Variants in PTPRO observed in about 807,000 individuals in gnomAD.
PTPRO encodes the protein protein tyrosine phosphatase receptor type O.
PTPRO carries 62 observed loss-of-function variants against 145.2 expected under a neutral mutation model. The ratio of observed to expected loss-of-function variants is 0.43; its 90% CI spans 0.35 to 0.53. The LOEUF is 0.53. Ranked by LOEUF, PTPRO falls within the 20% of genes least tolerant of loss-of-function variation. The pLI is 0.01. For missense variants in PTPRO, 1,345 were observed against 1,482.7 expected (o/e 0.91, Z 1.53); for synonymous variants, 565 against 514.7 (o/e 1.10, Z -1.32).
rs754393787 is a variant in PTPRO, at chr12:15,569,553, G to A, written c.2829+55G>A. The stretch of plus-strand genomic sequence containing the variant: ...TGTAATGGAAAGGGCCTGGGAATTG[G>A]GGGGTTTGTGTTGCGGTCATGTCCC... On this transcript the variant is annotated intron_variant, in intron 19 of 26. Transcript: ENST00000281171. 9.4e-6 allele frequency: 14 copies of A among 1,488,294 alleles called. No homozygotes were observed. The South Asian group carries it at 1.0e-4, about 11-fold the overall frequency. 92.2% of individuals were successfully genotyped at this position (1,488,294 alleles called of 1,614,324 possible).
chr12:15,475,718 C>T (rs949721646), intron 1 of PTPRO, among the ~76,000 whole-genome samples: 2 of 152,016 alleles, frequency 1.3e-5, no homozygotes, highest in Admixed American at 6.5e-5. Flanking sequence ...CCAGGATTCC[C>T]CATTCACTAA....
Position 15,520,286 on chromosome 12 carries a change from A to G in PTPRO, c.1865A>G (p.Asp622Gly). The G allele has an allele frequency of 6.2e-7, 1 of 1,612,840 alleles. No individual in the cohort carries two copies. The highest frequency in any genetic ancestry group is 8.5e-7 in the Non-Finnish European group (1 of 1,178,964). ...TWGDPELSCC[D>G]SSTISFITAP... is the part of the protein sequence containing the mutation. ...GGAGATCCAGAATTGAGCTGCTGTG[A>G]CAGCTCTACCATCAGCTTCATAACA... Residue 622 changes from aspartate to glycine, a missense_variant, in exon 10 of 27, where the codon GAC becomes GGC. Transcript: ENST00000281171.
chr12:15,405,712 A>G (rs1175434067), intron 1 of PTPRO, among the ~76,000 whole-genome samples: 2 of 152,228 alleles, frequency 1.3e-5, no homozygotes, highest in Non-Finnish European at 2.9e-5. Flanking sequence ...AAGGACTTTA[A>G]AATGACTGTT....
At chr12:15,494,168 G>C (rs1013191057) in intron 2 of PTPRO, among the ~76,000 whole-genome samples, 4 of 152,124 alleles carry the variant, frequency 2.6e-5, no homozygotes, top group Admixed American at 2.6e-4. Flanking sequence ...GTAAGTTACA[G>C]GGGGGAATTT....
chr12:15,460,484 TA>T (rs908872520), intron 1 of PTPRO, among the ~76,000 whole-genome samples: 4 of 152,174 alleles, frequency 2.6e-5, no homozygotes, highest in Non-Finnish European at 4.4e-5. Flanking sequence ...TCCCTTATTT[TA>T]AAATAATAAA....
chr12:15,578,846 T>A lies in PTPRO; in HGVS notation c.2830-7T>A. On this transcript the variant is annotated splice_region_variant and splice_polypyrimidine_tract_variant and intron_variant, in intron 19 of 26. Coordinates refer to ENST00000281171, the MANE Select transcript of PTPRO (RefSeq NM_030667.3). The stretch of plus-strand genomic sequence containing the variant: ...GAACTCTCAAATCCATTCTCTGTCC[T>A]TTACAGGAGTTGAAATTGATTGGAC... 1 of 1,567,450 alleles carries A rather than the reference T, an allele frequency of 6.4e-7. No individual in the cohort carries two copies. Among genetic ancestry groups the A allele is most frequent in the Non-Finnish European group, 8.8e-7 (1 of 1,137,548 alleles).
Position 15,403,854 on chromosome 12 carries a change from G to A in PTPRO, c.76-80120G>A, listed in dbSNP as rs146760661. On this transcript the variant is annotated intron_variant, in intron 1 of 26. Transcript: ENST00000281171. ...ACACACACCAGAATGTGAGTTTCAT[G>A]AGTACAGAGATCCCATGGTCTTATT... Among the ~76,000 whole-genome samples, 1,384 of 152,080 alleles carry A rather than the reference G, an allele frequency of 9.1e-3. 15 individuals are homozygous for A. Among genetic ancestry groups the A allele is most frequent in the South Asian group, 0.035 (166 of 4,806 alleles).
At chr12:15,493,307 C>T (rs565421698) in intron 2 of PTPRO, among the ~76,000 whole-genome samples, 1 of 151,564 alleles carries the variant, frequency 6.6e-6, no homozygotes, top group African/African-American at 2.4e-5. Context: ...ATATACAAAC[C>T]CTAGAGAACT....
intron 1 of PTPRO, among the ~76,000 whole-genome samples, chr12:15,376,658 C>T (rs184709480): frequency 1.1e-4 from 16 of 152,252 alleles, no homozygotes; most frequent in African/African-American, 3.1e-4. Context: ...ATCAAGGTGC[C>T]AACAGGTTCA....
chr12:15,517,819 C>A (rs1942630780), intron 9 of PTPRO, among the ~76,000 whole-genome samples: 1 of 152,224 alleles, frequency 6.6e-6, no homozygotes, highest in South Asian at 2.1e-4. Flanking sequence ...CAGTTCCACT[C>A]CTATGGCTTT....
At chr12:15,452,344 G>T (rs1029324253) in intron 1 of PTPRO, among the ~76,000 whole-genome samples, 1 of 151,916 alleles carries the variant, frequency 6.6e-6, no homozygotes, top group Non-Finnish European at 1.5e-5. Context: ...AGATTGAAAT[G>T]GTACAAAAAA....
At chr12:15,381,683 T>G (rs1371824376) in intron 1 of PTPRO, among the ~76,000 whole-genome samples, 1 of 152,182 alleles carries the variant, frequency 6.6e-6, no homozygotes, top group Admixed American at 6.5e-5. Flanking sequence ...TTTCTCCCTT[T>G]CGCAGCTCCC....
At chr12:15,553,286 G>A (rs1429985665) in intron 15 of PTPRO, among the ~76,000 whole-genome samples, 1 of 152,176 alleles carries the variant, frequency 6.6e-6, no homozygotes, top group East Asian at 1.9e-4. Flanking sequence ...ATAAGTAAAA[G>A]GACTGCCCCT....
chr12:15,497,419 A>C lies in PTPRO; in HGVS notation c.508+16A>C, dbSNP rs761511360. ...CTATATAAAGGTAAGCAGCAAAAGG[A>C]AAGCTGAATCAATGATGACCCTCAC... is the stretch of plus-strand genomic sequence containing the variant. On this transcript the variant is annotated intron_variant, in intron 3 of 26. Transcript: ENST00000281171. 1 of 1,611,342 alleles carries C rather than the reference A, an allele frequency of 6.2e-7. No homozygotes were observed. The highest frequency in any genetic ancestry group is 8.5e-7 in the Non-Finnish European group (1 of 1,177,930).
intron 2 of PTPRO, among the ~76,000 whole-genome samples, chr12:15,494,177 T>G (rs971191922): frequency 1.6e-4 from 24 of 152,246 alleles, no homozygotes; most frequent in Non-Finnish European, 2.6e-4. Flanking sequence ...AGGGGGGAAT[T>G]TCAAATATAT....
chr12:15,548,639 T>TTCTGATGAA (rs1943366170), intron 13 of PTPRO, among the ~76,000 whole-genome samples: 1 of 152,080 alleles, frequency 6.6e-6, no homozygotes, highest in African/African-American at 2.4e-5. Context: ...TCAGAGACCA[T>TTCTGATGAA]TTACACATTC....
intron 25 of PTPRO, among the ~76,000 whole-genome samples, chr12:15,593,358 T>C (rs1944592751): frequency 6.6e-6 from 1 of 152,220 alleles, no homozygotes; most frequent in South Asian, 2.1e-4. Context: ...CTAGTGCTAT[T>C]ACTTATAGAG....
intron 19 of PTPRO, among the ~76,000 whole-genome samples, chr12:15,570,662 G>A (rs1944024927): frequency 6.6e-6 from 1 of 152,192 alleles, no homozygotes. Context: ...GGAAATGAAT[G>A]AGGAGGATGG....
At position 15,419,266 on chromosome 12, in the gene PTPRO, C is replaced by T. The variant is rs1471775816; in HGVS notation, c.76-64708C>T. Among the ~76,000 whole-genome samples, 13 of 41,704 alleles carry T rather than the reference C, an allele frequency of 3.1e-4. No individual in the cohort carries two copies. The South Asian group carries it at 3.7e-3, about 12-fold the overall frequency. 27.4% of individuals were successfully genotyped at this position (41,704 alleles called of 152,430 possible). A position where few individuals can be genotyped will look rare whatever the true frequency, so the allele number is the denominator to read the frequency against. Reference sequence around the variant, plus strand: ...AGTAACGATAGGAGCATTTTGGGGGCGGGGGAGGGGGGCTAATTGATGTGA... The same window carrying T: ...AGTAACGATAGGAGCATTTTGGGGGTGGGGGAGGGGGGCTAATTGATGTGA... On this transcript the variant is annotated intron_variant, in intron 1 of 26. Coordinates refer to ENST00000281171, the MANE Select transcript of PTPRO (RefSeq NM_030667.3).
Sources: allele counts gnomAD v4.1 joint callset (sites outside exome capture counted in the v4.1 genomes callset), GRCh38; gene constraint gnomAD v4.1.1; transcripts MANE v1.5; gene names NCBI Gene and HGNC (gene_info 2026-07-23, HGNC 2026-07-21).